NCKAP5: variants seen among roughly 807,000 people sequenced by gnomAD.
NCKAP5 encodes NCK associated protein 5, also known as nck-associated protein 5.
NCKAP5 carries 92 observed loss-of-function variants against 167.0 expected under a neutral mutation model. The ratio of observed to expected loss-of-function variants is 0.55; its 90% CI spans 0.47 to 0.66. NCKAP5 has a LOEUF of 0.66. Ranked by LOEUF, NCKAP5 falls within the 30% of genes least tolerant of loss-of-function variation. NCKAP5 has a pLI of 0.00. For missense variants in NCKAP5, 2,378 were observed against 2,315.0 expected (o/e 1.03, Z -0.56); for synonymous variants, 891 against 877.4 (o/e 1.02, Z -0.27).
chr2:133,211,422 G>T (rs2086207261), intron 5 of NCKAP5, among the ~76,000 whole-genome samples: 1 of 152,040 alleles, frequency 6.6e-6, no homozygotes, highest in East Asian at 1.9e-4. Flanking sequence ...GTAGAGCAGG[G>T]TTTTACTATG....
At chr2:132,774,855 A>G (rs1682409611) in intron 15 of NCKAP5, among the ~76,000 whole-genome samples, 1 of 152,214 alleles carries the variant, frequency 6.6e-6, no homozygotes, top group Non-Finnish European at 1.5e-5. Context: ...AGAGATGAAG[A>G]CCCATCCCAA....
At position 133,500,880 on chromosome 2, in the gene NCKAP5, T is replaced by C. The variant is rs553767729; in HGVS notation, c.69+16578A>G. 2.4e-4 allele frequency among the ~76,000 whole-genome samples: 36 copies of C among 152,338 alleles called. No homozygotes were observed. In the South Asian group the frequency reaches 7.5e-3, roughly 32 times the overall value. On this transcript the variant is annotated intron_variant, in intron 3 of 19. Transcript: ENST00000409261. Reference sequence around the variant, plus strand: ...CATCATAGACATTTCCATTATTCCTTACTTAAATACAACACAGGGAAGGGG... The same window carrying C: ...CATCATAGACATTTCCATTATTCCTCACTTAAATACAACACAGGGAAGGGG...
intron 5 of NCKAP5, among the ~76,000 whole-genome samples, chr2:133,198,353 C>T (rs999015937): frequency 6.6e-6 from 1 of 152,096 alleles, no homozygotes; most frequent in Middle Eastern, 3.4e-3. Context: ...ACATCATAAC[C>T]ACACTGCAGG....
At chr2:132,867,705 A>G (rs1348025869) in intron 10 of NCKAP5, among the ~76,000 whole-genome samples, 7 of 152,182 alleles carry the variant, frequency 4.6e-5, no homozygotes, top group Non-Finnish European at 8.8e-5. Flanking sequence ...CATTCCATGA[A>G]ATACAGAGAT....
chr2:132,912,327 T>C (rs1694518322), intron 8 of NCKAP5, among the ~76,000 whole-genome samples: 1 of 152,308 alleles, frequency 6.6e-6, no homozygotes, highest in Admixed American at 6.5e-5. Flanking sequence ...TTCAAGTACA[T>C]GAGTATGAAA....
chr2:133,528,494 G>A (rs113445574), intron 2 of NCKAP5, among the ~76,000 whole-genome samples: 66 of 152,262 alleles, frequency 4.3e-4, no homozygotes, highest in African/African-American at 1.5e-3. Context: ...AGGCTACAGA[G>A]GAGCCTGAGA....
intron 3 of NCKAP5, among the ~76,000 whole-genome samples, chr2:133,471,516 G>A (rs1679309766): frequency 6.6e-6 from 1 of 151,982 alleles, no homozygotes; most frequent in Admixed American, 6.6e-5. Context: ...ATATCAGGGG[G>A]AATAAAAACC....
At chr2:133,333,317 GA>G (rs762440593) in intron 3 of NCKAP5, among the ~76,000 whole-genome samples, 6 of 152,196 alleles carry the variant, frequency 3.9e-5, no homozygotes, top group Non-Finnish European at 8.8e-5. Flanking sequence ...GAAGTCTGAA[GA>G]GGTCATTAGT....
chr2:133,659,897 T>C, the NCKAP5 span, among the ~76,000 whole-genome samples: 6 of 152,336 alleles, frequency 3.9e-5, no homozygotes, highest in African/African-American at 9.6e-5. Context: ...ATATTATATA[T>C]GCATATTATA....
At chr2:133,474,401 T>C (rs904979106) in intron 3 of NCKAP5, among the ~76,000 whole-genome samples, 1 of 152,152 alleles carries the variant, frequency 6.6e-6, no homozygotes, top group Non-Finnish European at 1.5e-5. Flanking sequence ...CTGGTGAAGC[T>C]GCAAGGCAAG....
At chr2:132,895,351 A>C (rs1049311779) in intron 8 of NCKAP5, among the ~76,000 whole-genome samples, 1 of 150,830 alleles carries the variant, frequency 6.6e-6, no homozygotes, top group Non-Finnish European at 1.5e-5. Flanking sequence ...TGTCTCAAAA[A>C]AAAAAAAAAA....
intron 3 of NCKAP5, among the ~76,000 whole-genome samples, chr2:133,437,635 G>A (rs1243885617): frequency 6.6e-6 from 1 of 152,176 alleles, no homozygotes; most frequent in Admixed American, 6.5e-5. Context: ...TCCTAAAGCA[G>A]CCCCAGCCAG....
intron 2 of NCKAP5, among the ~76,000 whole-genome samples, chr2:133,534,857 G>C (rs1354932677): frequency 6.6e-6 from 1 of 152,114 alleles, no homozygotes; most frequent in Non-Finnish European, 1.5e-5. Context: ...GAGAGAAATT[G>C]CCGGATCAAA....
chr2:133,478,494 T>C (rs1680141844), intron 3 of NCKAP5, among the ~76,000 whole-genome samples: 2 of 152,168 alleles, frequency 1.3e-5, no homozygotes, highest in Non-Finnish European at 2.9e-5. Context: ...TATCATTACA[T>C]GGGGACAATC....
At chr2:132,905,086 T>C (rs1693905597) in intron 8 of NCKAP5, among the ~76,000 whole-genome samples, 1 of 152,194 alleles carries the variant, frequency 6.6e-6, no homozygotes, top group Admixed American at 6.5e-5. Flanking sequence ...TCAAGCTTAA[T>C]AATGTTTCAA....
At chr2:133,413,100 T>C (rs1185850446) in intron 3 of NCKAP5, among the ~76,000 whole-genome samples, 1 of 152,178 alleles carries the variant, frequency 6.6e-6, no homozygotes, top group Non-Finnish European at 1.5e-5. Context: ...AAGTAGAAGC[T>C]GAGCTCAGCA....
intron 5 of NCKAP5, among the ~76,000 whole-genome samples, chr2:133,164,990 G>A (rs1475230088): frequency 6.6e-6 from 1 of 152,198 alleles, no homozygotes; most frequent in Non-Finnish European, 1.5e-5. Context: ...GGCAAAGAAA[G>A]AGCAGTGGTT....
At chr2:133,290,638 GC>G (rs1439940468) in intron 4 of NCKAP5, among the ~76,000 whole-genome samples, 1 of 150,456 alleles carries the variant, frequency 6.6e-6, no homozygotes, top group African/African-American at 2.4e-5. Flanking sequence ...ATGACTTTTT[GC>G]CATGCTTGCT....
intron 3 of NCKAP5, among the ~76,000 whole-genome samples, chr2:133,375,821 C>A (rs569813690): frequency 6.6e-6 from 1 of 152,336 alleles, no homozygotes; most frequent in South Asian, 2.1e-4. Context: ...ATATGTACCA[C>A]ATTTTCTTTA....
Sources: gnomAD v4.1 joint callset for allele counts (sites outside exome capture counted in the v4.1 genomes callset) on GRCh38, gnomAD v4.1.1 for gene constraint, MANE v1.5 for transcripts, NCBI Gene and HGNC (gene_info 2026-07-23, HGNC 2026-07-21) for gene names.